Variants in KLHL31 observed in about 807,000 individuals in gnomAD.
The protein encoded by KLHL31 is kelch-like protein 31.
KLHL31 carries 32 observed loss-of-function variants against 47.1 expected under a neutral mutation model. That is an observed-to-expected ratio of 0.68 (90% confidence interval 0.51 to 0.91). KLHL31 has a LOEUF of 0.91. Ranked by LOEUF, KLHL31 falls within the 40% of genes least tolerant of loss-of-function variation. The pLI, the probability that KLHL31 is intolerant of heterozygous loss-of-function variation, is 0.00. For synonymous variants in KLHL31, 330 were observed against 325.1 expected, an observed-to-expected ratio of 1.01 and a Z score of -0.16; for missense variants, 797 against 819.3, an observed-to-expected ratio of 0.97 and a Z score of 0.33.
At chr6:53,653,931 A>G (rs1764512448) in intron 2 of KLHL31, among the ~76,000 whole-genome samples, 170 bp downstream of exon 2, 1 of 152,230 alleles carries the variant, frequency 6.6e-6, no homozygotes, top group African/African-American at 2.4e-5. Flanking sequence ...ATATAAATGA[A>G]TGTACTTTAT....
chr6:53,660,629 C>A (rs906071000), intron 1 of KLHL31, among the ~76,000 whole-genome samples: 1 of 152,178 alleles, frequency 6.6e-6, no homozygotes, highest in African/African-American at 2.4e-5. Context: ...GCCTGGCCAA[C>A]ATGGCGAAAC....
chr6:53,661,697 G>A (rs1764648203), intron 1 of KLHL31, among the ~76,000 whole-genome samples: 1 of 152,168 alleles, frequency 6.6e-6, no homozygotes, highest in African/African-American at 2.4e-5. Flanking sequence ...TTAACATGTA[G>A]TCAGAGCAAT....
chr6:53,655,396 G>C, intron 1 of KLHL31, 91 bp from the exon 2 acceptor site: 1 of 585,850 alleles, frequency 1.7e-6, no homozygotes, highest in Non-Finnish European at 2.9e-6. Context: ...AAAGATAATA[G>C]TTTTCATGGC....
intron 2 of KLHL31, among the ~76,000 whole-genome samples, chr6:53,652,999 C>A (rs115337925): frequency 0.018 from 2,790 of 151,344 alleles, 87 homozygotes; most frequent in African/African-American, 0.064. Context: ...TTTTCCAGCA[C>A]TTGTCAGTAG....
Position 53,649,554 on chromosome 6 carries a change from T to C in KLHL31, c.*2044A>G, listed in dbSNP as rs1270979447. The C allele has an allele frequency of 2.0e-5, 3 of 152,176 alleles. No homozygotes were observed. The highest frequency in any genetic ancestry group is 2.9e-5 in the Non-Finnish European group (2 of 67,998). 9.4% of individuals were successfully genotyped at this position (152,176 alleles called of 1,614,324 possible). ...GATGAAAAATCCTCTAGTTTCAGTA[T>C]CTCTTCTCATTATTCCATCATGTAA... On this transcript the variant is annotated 3_prime_UTR_variant, in exon 3 of 3. Transcript: ENST00000370905.
chr6:53,662,523 A>T (rs1764662086), intron 1 of KLHL31, among the ~76,000 whole-genome samples: 1 of 152,204 alleles, frequency 6.6e-6, no homozygotes, highest in African/African-American at 2.4e-5. Flanking sequence ...TACTGGAGCT[A>T]TCCTTTCTTT....
rs758617693 is a variant in KLHL31, at chr6:53,650,621, T to G, written c.*977A>C. 6.6e-6 allele frequency: 1 copy of G among 152,230 alleles called. No individual in the cohort carries two copies. The highest frequency in any genetic ancestry group is 1.5e-5 in the Non-Finnish European group (1 of 68,050). The allele number at this position is 152,230 out of a possible 1,614,324, so 9.4% of individuals were successfully genotyped here. ...AATTATTGTTATTGGTTGTGTAAAC[T>G]TCAAGCTCTCTAAGCTTAAGGCTAA... On this transcript the variant is annotated 3_prime_UTR_variant, in exon 3 of 3. Transcript: ENST00000370905.
Position 53,652,248 on chromosome 6 carries a change from C to G in KLHL31, c.1255G>C (p.Gly419Arg), listed in dbSNP as rs756195221. Residue 419 changes from glycine to arginine, a missense_variant, in exon 3 of 3, where the codon GGG becomes CGG. Coordinates refer to ENST00000370905, the MANE Select transcript of KLHL31 (RefSeq NM_001003760.5). Reference sequence around the variant, plus strand: ...CGGCCGCCCGCGGCGTACACGAGCCCGTTGAACACGCTCAGGCTGAAGTGC... The same window carrying G: ...CGGCCGCCCGCGGCGTACACGAGCCGGTTGAACACGCTCAGGCTGAAGTGC... ...RTHFSLSVFN[G>R]LVYAAGGRNA... 15 of 1,613,978 alleles carry G rather than the reference C, an allele frequency of 9.3e-6. No individual in the cohort carries two copies. Among genetic ancestry groups the G allele is most frequent in the South Asian group, 2.2e-5 (2 of 91,092 alleles).
At chr6:53,657,916 G>C (rs1764588052) in intron 1 of KLHL31, among the ~76,000 whole-genome samples, 1 of 152,118 alleles carries the variant, frequency 6.6e-6, no homozygotes, top group African/African-American at 2.4e-5. Context: ...CAAGGCTGTA[G>C]CACATACATC....
intron 2 of KLHL31, among the ~76,000 whole-genome samples, chr6:53,653,287 C>T (rs1261550958): frequency 6.6e-6 from 1 of 152,110 alleles, no homozygotes; most frequent in Non-Finnish European, 1.5e-5. Flanking sequence ...CACTAAAAAT[C>T]AGTTAATTGT....
rs1764426891 is a variant in KLHL31, at chr6:53,648,675, C to T, written c.*2923G>A. 6.6e-6 allele frequency: 1 copy of T among 152,158 alleles called. No individual in the cohort carries two copies. The highest frequency in any genetic ancestry group is 6.5e-5 in the Admixed American group (1 of 15,278). The allele number at this position is 152,158 out of a possible 1,614,324, so 9.4% of individuals were successfully genotyped here. ...AAAATTATACGAATCTGTACCATCACTGACCTTCTATTCAAAACCATTCTT... is the reference window on the plus strand; with the variant it reads ...AAAATTATACGAATCTGTACCATCATTGACCTTCTATTCAAAACCATTCTT... On this transcript the variant is annotated 3_prime_UTR_variant, in exon 3 of 3. Transcript: ENST00000370905.
At chr6:53,655,906 C>G (rs1169741274) in intron 1 of KLHL31, among the ~76,000 whole-genome samples, 4 of 152,088 alleles carry the variant, frequency 2.6e-5, no homozygotes, top group Non-Finnish European at 5.9e-5. Context: ...TATACCCAAC[C>G]AACATTTTCT....
At position 53,651,883 on chromosome 6, in the gene KLHL31, G is replaced by C; in HGVS notation, c.1620C>G (p.Pro540=). The change falls in exon 3 of 3, where the codon CCC becomes CCG. Residue 540 remains proline, a synonymous_variant. Coordinates refer to ENST00000370905, the MANE Select transcript of KLHL31 (RefSeq NM_001003760.5). ...CCGCGTAGCTCCACTGGCCGGTCGC[G>C]GGGCTGTAGCACTCCACGGTGAGCA... ...VDVLTVECYS[P]ATGQWSYAAP... 4.4e-6 allele frequency: 7 copies of C among 1,595,960 alleles called. No individual in the cohort carries two copies. The highest frequency in any genetic ancestry group is 2.3e-5 in the East Asian group (1 of 44,422).
chr6:53,649,902 C>T lies in KLHL31; in HGVS notation c.*1696G>A, dbSNP rs1581785246. ...CCCAGCGCTTTTACATTAATAATAT[C>T]TTGTTCTTAATTTACAGCGTTTGTA... On this transcript the variant is annotated 3_prime_UTR_variant, in exon 3 of 3. Coordinates refer to ENST00000370905, the MANE Select transcript of KLHL31 (RefSeq NM_001003760.5). The T allele has an allele frequency of 6.6e-6, 1 of 152,164 alleles. No homozygotes were observed. Among genetic ancestry groups the T allele is most frequent in the East Asian group, 1.9e-4 (1 of 5,196 alleles). The allele number at this position is 152,164 out of a possible 1,614,324, so 9.4% of individuals were successfully genotyped here.
Position 53,655,309 on chromosome 6 carries a change from A to T in KLHL31, c.-33-4T>A, listed in dbSNP as rs1183385630. Reference sequence around the variant, plus strand: ...CACTGTTACAGGCAAGAGCTTGCTAAAAAGAGAAAAAAAAAAACATGGTTT... The same window carrying T: ...CACTGTTACAGGCAAGAGCTTGCTATAAAGAGAAAAAAAAAAACATGGTTT... On this transcript the variant is annotated splice_region_variant and splice_polypyrimidine_tract_variant and intron_variant, in intron 1 of 2. Coordinates refer to ENST00000370905, the MANE Select transcript of KLHL31 (RefSeq NM_001003760.5). 8 of 1,342,834 alleles carry T rather than the reference A, an allele frequency of 6.0e-6. No individual in the cohort carries two copies. The highest frequency in any genetic ancestry group is 8.0e-6 in the Non-Finnish European group (8 of 999,674). The allele number at this position is 1,342,834 out of a possible 1,614,324, so 83.2% of individuals were successfully genotyped here. A position where few individuals can be genotyped will look rare whatever the true frequency, so the allele number is the denominator to read the frequency against.
In KLHL31 at chr6:53,651,487, C is replaced by A; in HGVS notation, c.*111G>T. ...ATGTGCCTCGACATATTTTACAATA[C>A]AATCAGTGTAGTAAATGTTAAATAT... On this transcript the variant is annotated 3_prime_UTR_variant, in exon 3 of 3. Coordinates refer to ENST00000370905, the MANE Select transcript of KLHL31 (RefSeq NM_001003760.5). 9.9e-7 allele frequency: 1 copy of A among 1,013,424 alleles called. No individual in the cohort carries two copies. The highest frequency in any genetic ancestry group is 2.7e-5 in the Admixed American group (1 of 37,066). 62.8% of individuals were successfully genotyped at this position (1,013,424 alleles called of 1,614,324 possible).
intron 1 of KLHL31, among the ~76,000 whole-genome samples, chr6:53,660,584 C>A (rs1416379543): frequency 6.6e-6 from 1 of 152,094 alleles, no homozygotes; most frequent in East Asian, 1.9e-4. Context: ...GAGGCCGAGG[C>A]GGGTGGATCA....
intron 1 of KLHL31, among the ~76,000 whole-genome samples, chr6:53,661,641 A>G (rs1202510354): frequency 3.9e-5 from 6 of 152,202 alleles, no homozygotes. Flanking sequence ...TGGCTGGAAA[A>G]TCTGAGTATT....
In KLHL31 at chr6:53,650,263, A is replaced by G. The variant is rs1435497735; in HGVS notation, c.*1335T>C. On this transcript the variant is annotated 3_prime_UTR_variant, in exon 3 of 3. Coordinates refer to ENST00000370905, the MANE Select transcript of KLHL31 (RefSeq NM_001003760.5). ...CAAAGAATAAAGTGATAAATTATAA[A>G]AAAGGAAAATATGTATCATTTACTA... is the stretch of plus-strand genomic sequence containing the variant. The G allele has an allele frequency of 2.6e-5, 4 of 152,246 alleles. No individual in the cohort carries two copies. The highest frequency in any genetic ancestry group is 5.9e-5 in the Non-Finnish European group (4 of 68,040). 9.4% of individuals were successfully genotyped at this position (152,246 alleles called of 1,614,324 possible). A position where few individuals can be genotyped will look rare whatever the true frequency, so the allele number is the denominator to read the frequency against.
Sources: allele counts gnomAD v4.1 joint callset (sites outside exome capture counted in the v4.1 genomes callset), GRCh38; gene constraint gnomAD v4.1.1; transcripts MANE v1.5; gene names NCBI Gene and HGNC (gene_info 2026-07-23, HGNC 2026-07-21).